Variants in TBC1D32 observed in about 807,000 individuals in gnomAD.
TBC1D32 encodes the protein protein broad-minded.
Under a neutral mutation model 170.3 loss-of-function variants are expected in TBC1D32, and 151 were observed. That is an observed-to-expected ratio of 0.89 (90% CI 0.78 to 1.01). The LOEUF is 1.01. Ranked by LOEUF, TBC1D32 falls within the 50% of genes least tolerant of loss-of-function variation. The pLI, the probability that TBC1D32 is intolerant of heterozygous loss-of-function variation, is 0.00. For synonymous variants in TBC1D32, 498 were observed against 488.0 expected, an observed-to-expected ratio of 1.02 and a Z score of -0.27; for missense variants, 1,464 against 1,457.1, an observed-to-expected ratio of 1.00 and a Z score of -0.08.
At chr6:121,235,149 T>G (rs61293964) in intron 20 of TBC1D32, among the ~76,000 whole-genome samples, 7,761 of 152,154 alleles carry the variant, frequency 0.051, 228 homozygotes, top group African/African-American at 0.077. Context: ...TGGTTGTGTT[T>G]TTGTTTAGTG....
intron 26 of TBC1D32, among the ~76,000 whole-genome samples, chr6:121,123,787 C>A (rs1329883638): frequency 6.6e-6 from 1 of 151,704 alleles, no homozygotes; most frequent in African/African-American, 2.4e-5. Context: ...TTGTGTGACT[C>A]CTCTCTTCCT....
In TBC1D32 at chr6:121,126,448, T is replaced by C. The variant is rs771211505; in HGVS notation, c.2913A>G (p.Leu971=). Reference sequence around the variant, plus strand: ...TGAGATGAAGCACAAATTTTTCAAGTAATTCTATTAAGGCTGTAATAAACA... The same window carrying C: ...TGAGATGAAGCACAAATTTTTCAAGCAATTCTATTAAGGCTGTAATAAACA... ...DIISGEALIE[L]LEKFVLHLTE... Residue 971 remains leucine, a synonymous_variant, in exon 26 of 32, where the codon TTA becomes TTG. Coordinates refer to ENST00000398212, the MANE Select transcript of TBC1D32 (RefSeq NM_152730.6). 1.2e-6 allele frequency: 2 copies of C among 1,611,460 alleles called. No homozygotes were observed. The highest frequency in any genetic ancestry group is 1.1e-5 in the South Asian group (1 of 90,922).
intron 10 of TBC1D32, among the ~76,000 whole-genome samples, chr6:121,297,683 A>T (rs1301826760): frequency 1.3e-5 from 2 of 152,120 alleles, no homozygotes; most frequent in Admixed American, 1.3e-4. Context: ...CCTACTAAAA[A>T]TGTCATAAAC....
At chr6:121,141,863 T>A (rs1782828565) in intron 24 of TBC1D32, among the ~76,000 whole-genome samples, 1 of 152,036 alleles carries the variant, frequency 6.6e-6, no homozygotes, top group Non-Finnish European at 1.5e-5. Context: ...TGCAAAAGCT[T>A]TAGGAAAAGG....
intron 10 of TBC1D32, 143 bp downstream of exon 10, chr6:121,299,302 TG>T: frequency 1.3e-6 from 1 of 784,162 alleles, no homozygotes; most frequent in Non-Finnish European, 1.9e-6. Flanking sequence ...TGTCACAGGA[TG>T]GTAGTTTAAG....
chr6:121,175,815 A>G (rs1787687040), intron 22 of TBC1D32, among the ~76,000 whole-genome samples: 2 of 152,252 alleles, frequency 1.3e-5, no homozygotes, highest in South Asian at 4.1e-4. Context: ...ATTTTTTAAC[A>G]TCGTTCTAGA....
intron 22 of TBC1D32, among the ~76,000 whole-genome samples, chr6:121,186,144 T>C (rs1356166740): frequency 6.6e-6 from 1 of 152,164 alleles, no homozygotes; most frequent in Non-Finnish European, 1.5e-5. Flanking sequence ...CTACTAGAAC[T>C]GAAAATTTAA....
chr6:121,327,173 AC>A (rs1335851600), intron 1 of TBC1D32, among the ~76,000 whole-genome samples: 1 of 152,096 alleles, frequency 6.6e-6, no homozygotes, highest in East Asian at 1.9e-4. Flanking sequence ...CTATCAAAAT[AC>A]TATGTTCACT....
intron 26 of TBC1D32, among the ~76,000 whole-genome samples, chr6:121,117,088 C>T (rs1486859550): frequency 3.3e-5 from 5 of 152,030 alleles, no homozygotes; most frequent in Non-Finnish European, 7.4e-5. Flanking sequence ...ATTTGTTATA[C>T]AATAAAGTTG....
At chr6:121,137,644 T>C (rs1481787223) in intron 24 of TBC1D32, among the ~76,000 whole-genome samples, 1 of 151,922 alleles carries the variant, frequency 6.6e-6, no homozygotes, top group African/African-American at 2.4e-5. Flanking sequence ...ATAATCTTTT[T>C]ATATTTGGGG....
At chr6:121,331,290 C>A (rs1811179849) in intron 1 of TBC1D32, among the ~76,000 whole-genome samples, 1 of 152,118 alleles carries the variant, frequency 6.6e-6, no homozygotes, top group South Asian at 2.1e-4. Flanking sequence ...CTCACTGCAA[C>A]CTCTGCCTCC....
chr6:121,262,820 T>C (rs994735000), intron 15 of TBC1D32, among the ~76,000 whole-genome samples: 4 of 152,160 alleles, frequency 2.6e-5, no homozygotes, highest in African/African-American at 4.8e-5. Context: ...CAGAATTTCA[T>C]ATCTGGCCAA....
In TBC1D32 at chr6:121,286,418, C is replaced by T. The variant is rs566509948; in HGVS notation, c.1373-2508G>A. 4.9e-4 allele frequency among the ~76,000 whole-genome samples: 74 copies of T among 151,808 alleles called. 4 individuals carry two copies. The South Asian group carries it at 0.014, about 28-fold the overall frequency. ...GGAAGATGAAATGAATGAAATGAAGCGAGAAGAGAAGTTTAGAGAAAAAAG... is the reference window on the plus strand; with the variant it reads ...GGAAGATGAAATGAATGAAATGAAGTGAGAAGAGAAGTTTAGAGAAAAAAG... On this transcript the variant is annotated intron_variant, in intron 12 of 31. Coordinates refer to ENST00000398212, the MANE Select transcript of TBC1D32 (RefSeq NM_152730.6).
chr6:121,266,180 A>G (rs1800449560), intron 15 of TBC1D32, among the ~76,000 whole-genome samples: 1 of 152,190 alleles, frequency 6.6e-6, no homozygotes, highest in Admixed American at 6.5e-5. Context: ...CCATCTGACA[A>G]CATATAATAC....
chr6:121,219,251 A>G (rs184378833), intron 21 of TBC1D32, among the ~76,000 whole-genome samples: 2 of 152,324 alleles, frequency 1.3e-5, no homozygotes, highest in Admixed American at 1.3e-4. Flanking sequence ...AAGAAGGCAT[A>G]GATCAAAAGA....
chr6:121,198,249 T>C (rs1429587609), intron 22 of TBC1D32, among the ~76,000 whole-genome samples: 1 of 129,932 alleles, frequency 7.7e-6, no homozygotes, highest in Non-Finnish European at 1.6e-5. Flanking sequence ...ATATATATTA[T>C]ATATATATAT....
At chr6:121,171,515 A>T (rs1161907958) in intron 22 of TBC1D32, among the ~76,000 whole-genome samples, 2 of 152,102 alleles carry the variant, frequency 1.3e-5, no homozygotes, top group Non-Finnish European at 2.9e-5. Context: ...TTTTTAAAAC[A>T]TGTCCTTACT....
chr6:121,189,985 G>A (rs1789729705), intron 22 of TBC1D32, among the ~76,000 whole-genome samples: 1 of 151,610 alleles, frequency 6.6e-6, no homozygotes, highest in Non-Finnish European at 1.5e-5. Context: ...ATTTTAGTGT[G>A]AAAATGGGCA....
chr6:121,122,293 G>A (rs1010345989), intron 26 of TBC1D32, among the ~76,000 whole-genome samples: 2 of 151,792 alleles, frequency 1.3e-5, no homozygotes, highest in Non-Finnish European at 2.9e-5. Flanking sequence ...TGCTTCAGTC[G>A]TTTCTCTTCC....
Sources: gnomAD v4.1 joint callset for allele counts (sites outside exome capture counted in the v4.1 genomes callset) on GRCh38, gnomAD v4.1.1 for gene constraint, MANE v1.5 for transcripts, NCBI Gene and HGNC (gene_info 2026-07-23, HGNC 2026-07-21) for gene names.